The following TH variants were observed in gnomAD, a reference collection of about 807,000 sequenced individuals.
The protein encoded by TH is tyrosine hydroxylase.
Under a neutral mutation model 57.4 loss-of-function variants are expected in TH, and 49 were observed. The observed-to-expected ratio is 0.85, with a 90% CI of 0.68 to 1.08. The LOEUF is 1.08. Among genes scored for constraint, TH ranks in the 50% least tolerant of loss-of-function variants. The probability of loss-of-function intolerance (pLI) is 0.00; values close to 1 mark genes in which losing one functional copy is unlikely to be tolerated. For synonymous variants in TH, 330 were observed against 304.5 expected (o/e 1.08, Z -0.87); for missense variants, 720 against 696.7 (o/e 1.03, Z -0.38).
In TH at chr11:2,166,657, G is replaced by A; in HGVS notation, c.953C>T (p.Ser318Phe). The change falls in exon 8 of 13, where the codon TCC becomes TTC. Residue 318 changes from serine (S) to phenylalanine (F), a missense_variant. Coordinates refer to ENST00000352909, the MANE Select transcript of TH (RefSeq NM_000360.4). The part of the protein sequence containing the change: ...FQCTQYIRHA[S>F]SPMHSPEPDC... Reference sequence around the variant, plus strand: ...CGGCTCAGGGGAGTGCATGGGCGAGGACGCGTGGCGGATATACTGGGTGCA... The same window carrying A: ...CGGCTCAGGGGAGTGCATGGGCGAGAACGCGTGGCGGATATACTGGGTGCA... 1 of 1,573,666 alleles carries A rather than the reference G, an allele frequency of 6.4e-7. No homozygotes were observed. The highest frequency in any genetic ancestry group is 8.6e-7 in the Non-Finnish European group (1 of 1,160,418).
rs2133700128 is a variant in TH at position 2,169,851 on chromosome 11, G to A, written c.111C>T (p.Arg37=). The A allele has an allele frequency of 1.9e-6, 3 of 1,610,276 alleles. No homozygotes were observed. ...EAIMSPRFIG[R]RQSLIEDARK... ...GGGCGTCCTCGATGAGGCTCTGCCT[G>A]CGCCCAATGAACCGCGGGGACTGTG... is the stretch of plus-strand genomic sequence containing the variant. Residue 37 remains arginine, a synonymous_variant, in exon 2 of 13, where the codon CGC becomes CGT. Coordinates refer to ENST00000352909, the MANE Select transcript of TH (RefSeq NM_000360.4).
chr11:2,164,267 T>C lies in TH; in HGVS notation c.1460A>G (p.Asp487Gly), dbSNP rs773658112. 2.8e-5 allele frequency: 42 copies of C among 1,498,252 alleles called. No homozygotes were observed. The highest frequency in any genetic ancestry group is 3.1e-5 in the Non-Finnish European group (35 of 1,121,580). The allele number at this position is 1,498,252 out of a possible 1,614,324, so 92.8% of individuals were successfully genotyped here. ...RSLEGVQDEL[D>G]TLAHALSAIG is the part of the protein sequence containing the mutation. ...GGCACTCAGCGCATGGGCAAGGGTGTCCAGCTCATCCTGGACACCCTCCAG... is the reference window on the plus strand; with the variant it reads ...GGCACTCAGCGCATGGGCAAGGGTGCCCAGCTCATCCTGGACACCCTCCAG... Residue 487 changes from aspartate (D) to glycine (G), a missense_variant, in exon 13 of 13, where the codon GAC (aspartate) becomes GGC (glycine). Asp to Gly is a moderately conservative substitution (Grantham distance 94, BLOSUM62 -1). Transcript: ENST00000352909.
rs771351747 is a variant in TH, at chr11:2,164,327, T to C, written c.1400A>G (p.Asp467Gly). The change falls in exon 13 of 13, where the codon GAC (aspartate) becomes GGC (glycine). Residue 467 changes from aspartate to glycine, a missense_variant. Transcript: ENST00000352909. ...VKFDPYTLAI[D>G]VLDSPQAVRR... ...CACGGCCTGGGGGCTGTCCAGCACG[T>C]CGATGGCCAGCGTGTACGGGTCGAA... 85 of 1,540,006 alleles carry C rather than the reference T, an allele frequency of 5.5e-5. No individual in the cohort carries two copies. The highest frequency in any genetic ancestry group is 7.3e-5 in the Non-Finnish European group (83 of 1,139,874).
In TH at chr11:2,171,614, A is replaced by G. The variant is rs566934096; in HGVS notation, c.90+83T>C. On this transcript the variant is annotated intron_variant, in intron 1 of 12. Transcript: ENST00000352909. This position sits in a 1 kb window ranked among gnomAD's most constrained non-coding sequence, Gnocchi z 8.6. ...GACCCTGAGCCTGGGGCTGCCAGCCAGGCTGGGGAGTAGCAGAGGCAGCTG... is the reference window on the plus strand; with the variant it reads ...GACCCTGAGCCTGGGGCTGCCAGCCGGGCTGGGGAGTAGCAGAGGCAGCTG... 2.8e-4 allele frequency: 419 copies of G among 1,490,804 alleles called. 1 individual carries two copies. In the African/African-American group the frequency reaches 5.1e-3, roughly 18 times the overall value. The allele number at this position is 1,490,804 out of a possible 1,614,324, so 92.3% of individuals were successfully genotyped here.
rs768037080 is a variant in TH, at chr11:2,167,485, G to T, written c.645C>A (p.His215Gln). 2.6e-6 allele frequency: 4 copies of T among 1,558,552 alleles called. No individual in the cohort carries two copies. Among genetic ancestry groups the T allele is most frequent in the South Asian group, 1.2e-5 (1 of 84,672 alleles). The change falls in exon 6 of 13, where the codon CAC becomes CAA. Residue 215 changes from histidine to glutamine, a missense_variant and splice_region_variant. Physicochemically the swap from His to Gln is conservative, Grantham distance 24. Coordinates refer to ENST00000352909, the MANE Select transcript of TH (RefSeq NM_000360.4). ...LIAEIAFQYR[H>Q]GDPIPRVEYT... ...ACTCCACACGGGGAATCGGGTCGCC[G>T]CTGGGGAGGGGGCCAGTGGTCAGCA...
rs996766545 is a variant in TH, at chr11:2,169,864, C to T, written c.98G>A (p.Arg33Gln). ...AKQAEAIMSP[R>Q]FIGRRQSLIE... ...GAGGCTCTGCCTGCGCCCAATGAAC[C>T]GCGGGGACTGTGGGGACAAGGGGCA... The change falls in exon 2 of 13, where the codon CGG becomes CAG. Residue 33 changes from arginine (R) to glutamine (Q), a missense_variant. Transcript: ENST00000352909. 38 of 1,609,194 alleles carry T rather than the reference C, an allele frequency of 2.4e-5. No homozygotes were observed. The highest frequency in any genetic ancestry group is 4.4e-4 in the Middle Eastern group (2 of 4,572).
At chr11:2,168,736 G>GGGGGGGGGGGA in intron 2 of TH, 71 bp from the exon 3 acceptor site, 1 of 456,336 alleles carries the variant, frequency 2.2e-6, no homozygotes, top group South Asian at 1.6e-5. Flanking sequence ...GGTGGGGTGG[G>GGGGGGGGGGGA]CGGGGAGGAG....
intron 12 of TH, 138 bp downstream of exon 12, chr11:2,165,094 G>A: frequency 7.8e-7 from 1 of 1,286,140 alleles, no homozygotes. Flanking sequence ...TGCTGTGTGG[G>A]GGCTGCTGCA....
rs1416459085 is a variant in TH at position 2,165,239 on chromosome 11, T to C, written c.1327A>G (p.Lys443Glu). Reference protein sequence around the residue: ...VSESFSDAKDKLRSYASRIQR... With the variant: ...VSESFSDAKDELRSYASRIQR... ...CCTAGCAGCCTAGCCCACCTGAGCT[T>C]GTCCTTGGCGTCACTGAAGCTCTCA... Residue 443 changes from lysine to glutamate, a missense_variant, in exon 12 of 13, where the codon AAG becomes GAG. Lys to Glu is a moderately conservative substitution (Grantham distance 56, BLOSUM62 1). Coordinates refer to ENST00000352909, the MANE Select transcript of TH (RefSeq NM_000360.4). 6.2e-7 allele frequency: 1 copy of C among 1,612,850 alleles called. No individual in the cohort carries two copies. Among genetic ancestry groups the C allele is most frequent in the African/African-American group, 1.3e-5 (1 of 75,050 alleles).
chr11:2,166,793 G>A, intron 7 of TH, 25 bp from the exon 8 acceptor site: 2 of 1,547,832 alleles, frequency 1.3e-6, no homozygotes, highest in Non-Finnish European at 1.7e-6. Context: ...GCGGGTCACT[G>A]CCGAGCCGGG....
At chr11:2,169,188 G>C (rs11564714) in intron 2 of TH, among the ~76,000 whole-genome samples, 10,162 of 152,188 alleles carry the variant, frequency 0.067, 431 homozygotes, top group Non-Finnish European at 0.089. Flanking sequence ...GGGGAGTCTG[G>C]CTTTAATGTC....
At chr11:2,167,971 C>G in intron 4 of TH, 38 bp from the exon 5 acceptor site, 10 of 1,610,286 alleles carry the variant, frequency 6.2e-6, no homozygotes, top group Non-Finnish European at 8.5e-6. Context: ...GGAGGCTGTG[C>G]TGGGGTGGGG....
chr11:2,166,371 G>C, intron 9 of TH, 109 bp downstream of exon 9: 1 of 1,388,634 alleles, frequency 7.2e-7, no homozygotes, highest in Non-Finnish European at 9.6e-7. Flanking sequence ...CCTTGGCGGG[G>C]CCCGGGAGCA....
At chr11:2,164,948 T>A (rs1846044769) in intron 12 of TH, among the ~76,000 whole-genome samples, 1 of 152,102 alleles carries the variant, frequency 6.6e-6, no homozygotes, top group Non-Finnish European at 1.5e-5. Context: ...CGGGACAGGT[T>A]CCACAGGACG....
At chr11:2,165,472 C>T in intron 11 of TH, 107 bp from the exon 12 acceptor site, 1 of 1,532,216 alleles carries the variant, frequency 6.5e-7, no homozygotes, top group Non-Finnish European at 8.9e-7. Flanking sequence ...GAGTCACCCC[C>T]ATCTCCCCCG....
Position 2,164,263 on chromosome 11 carries a change from G to T in TH, c.1464C>A (p.Thr488=), listed in dbSNP as rs1245346478. 2 of 1,497,266 alleles carry T rather than the reference G, an allele frequency of 1.3e-6. No homozygotes were observed. Among genetic ancestry groups the T allele is most frequent in the East Asian group, 2.4e-5 (1 of 40,874 alleles). 92.7% of individuals were successfully genotyped at this position (1,497,266 alleles called of 1,614,324 possible). The change falls in exon 13 of 13, where the codon ACC becomes ACA. Residue 488 remains threonine (T), a synonymous_variant. Coordinates refer to ENST00000352909, the MANE Select transcript of TH (RefSeq NM_000360.4). ...SLEGVQDELD[T]LAHALSAIG Reference sequence around the variant, plus strand: ...CAATGGCACTCAGCGCATGGGCAAGGGTGTCCAGCTCATCCTGGACACCCT... The same window carrying T: ...CAATGGCACTCAGCGCATGGGCAAGTGTGTCCAGCTCATCCTGGACACCCT...
rs540601354 is a variant in TH at position 2,165,717 on chromosome 11, T to C, written c.1151A>G (p.Glu384Gly). 36 of 1,612,458 alleles carry C rather than the reference T, an allele frequency of 2.2e-5. No individual in the cohort carries two copies. Among genetic ancestry groups the C allele is most frequent in the Non-Finnish European group, 3.1e-5 (36 of 1,179,882 alleles). ...CAGCCCGGCACCATAGGCCTTCACC[T>C]CCCCGTTCTGCTTACACAGCCCGAA... ...VEFGLCKQNGEVKAYGAGLLS... is the reference protein window; with the variant it reads ...VEFGLCKQNGGVKAYGAGLLS... Residue 384 changes from glutamate to glycine, a missense_variant, in exon 11 of 13, where the codon GAG becomes GGG. By Grantham distance (98) the Glu-to-Gly change is moderately conservative. Coordinates refer to ENST00000352909, the MANE Select transcript of TH (RefSeq NM_000360.4).
chr11:2,170,565 A>T lies in TH; in HGVS notation c.91-694T>A. 1.1e-6 allele frequency: 1 copy of T among 881,266 alleles called. No homozygotes were observed. The highest frequency in any genetic ancestry group is 1.8e-6 in the Non-Finnish European group (1 of 544,216). 54.6% of individuals were successfully genotyped at this position (881,266 alleles called of 1,614,324 possible). A position where few individuals can be genotyped will look rare whatever the true frequency, so the allele number is the denominator to read the frequency against. ...CAGACACCTGGGGCTCATCCCTTGG[A>T]GCTGAACTCCCAAGAAGGCTCTGGG... On this transcript the variant is annotated intron_variant, in intron 1 of 12. Transcript: ENST00000352909. The surrounding 1 kb of genome is among the most constrained non-coding windows in gnomAD (Gnocchi z 6.0).
chr11:2,170,644 T>A lies in TH; in HGVS notation c.91-773A>T. 6.8e-7 allele frequency: 1 copy of A among 1,466,492 alleles called. No individual in the cohort carries two copies. Among genetic ancestry groups the A allele is most frequent in the South Asian group, 1.2e-5 (1 of 83,728 alleles). The allele number at this position is 1,466,492 out of a possible 1,614,324, so 90.8% of individuals were successfully genotyped here. A position where few individuals can be genotyped will look rare whatever the true frequency, so the allele number is the denominator to read the frequency against. On this transcript the variant is annotated intron_variant, in intron 1 of 12. Coordinates refer to ENST00000352909, the MANE Select transcript of TH (RefSeq NM_000360.4). This position sits in a 1 kb window ranked among gnomAD's most constrained non-coding sequence, Gnocchi z 6.0. ...CCTGAGCTTCCAGGGTTGTGGAACA[T>A]GAAGGGGAGCAGCAGAAGCCCCTCC...
Sources: gnomAD v4.1 joint callset for allele counts (sites outside exome capture counted in the v4.1 genomes callset) on GRCh38, gnomAD v4.1.1 for gene constraint, Gnocchi (gnomAD v3.1) non-coding constraint, MANE v1.5 for transcripts, NCBI Gene and HGNC (gene_info 2026-07-23, HGNC 2026-07-21) for gene names.